IFT122: variants seen among roughly 807,000 people sequenced by gnomAD.
The protein encoded by IFT122 is intraflagellar transport protein 122 homolog.
In IFT122, 118 loss-of-function variants were observed where a neutral mutation model predicts 161.6. That is an observed-to-expected ratio of 0.73 (90% CI 0.63 to 0.85). The LOEUF (loss-of-function observed/expected upper bound fraction) is 0.85, where lower values mean the gene tolerates loss of function less well. Among genes scored for constraint, IFT122 ranks in the 40% least tolerant of loss-of-function variants. The probability of loss-of-function intolerance (pLI) is 0.00; values close to 1 mark genes in which losing one functional copy is unlikely to be tolerated. For synonymous variants in IFT122, 550 were observed against 602.4 expected, an observed-to-expected ratio of 0.91 and a Z score of 1.27; for missense variants, 1,381 against 1,579.6, an observed-to-expected ratio of 0.87 and a Z score of 2.13.
chr3:129,512,318 C>G lies in IFT122; in HGVS notation c.2893C>G (p.Pro965Ala). ...YHAIHRHTED[P>A]FSVHRPETLF... ...TGCTTTTCTCTCACTGCAGGAAGAT[C>G]CGTTCAGTGTCCATCGTCCTGAAAC... The change falls in exon 24 of 30, where the codon CCG becomes GCG. Residue 965 changes from proline (P) to alanine (A), a missense_variant. Transcript: ENST00000348417. 6.2e-7 allele frequency: 1 copy of G among 1,612,678 alleles called. No individual in the cohort carries two copies. Among genetic ancestry groups the G allele is most frequent in the Non-Finnish European group, 8.5e-7 (1 of 1,178,622 alleles).
At chr3:129,442,372 G>T (rs1407454441) in intron 1 of IFT122, among the ~76,000 whole-genome samples, 2 of 151,946 alleles carry the variant, frequency 1.3e-5, no homozygotes, top group African/African-American at 4.8e-5. Context: ...TAAAATACTA[G>T]ATATATATAA....
chr3:129,517,073 C>T (rs1322271127), intron 26 of IFT122, among the ~76,000 whole-genome samples: 11 of 137,058 alleles, frequency 8.0e-5, no homozygotes, highest in Admixed American at 6.0e-4. Flanking sequence ...ACTGCCCCTG[C>T]ACACACACAC....
intron 1 of IFT122, 81 bp from the exon 2 acceptor site, chr3:129,449,790 C>A (rs2107894542): frequency 1.1e-6 from 1 of 928,282 alleles, no homozygotes; most frequent in Non-Finnish European, 1.8e-6. Flanking sequence ...TTCTTAATGG[C>A]AATAAAGTTT....
intron 22 of IFT122, 109 bp downstream of exon 22, chr3:129,506,658 G>A: frequency 6.8e-7 from 1 of 1,471,344 alleles, no homozygotes. Flanking sequence ...TTGTTTATTG[G>A]GTGTATTGTC....
At chr3:129,508,840 T>C (rs2082470773) in intron 23 of IFT122, among the ~76,000 whole-genome samples, 1 of 152,174 alleles carries the variant, frequency 6.6e-6, no homozygotes, top group Non-Finnish European at 1.5e-5. Flanking sequence ...ATTGGTTGTG[T>C]GATGTGCAGT....
chr3:129,503,136 G>A (rs2081788720), intron 20 of IFT122, among the ~76,000 whole-genome samples: 1 of 152,246 alleles, frequency 6.6e-6, no homozygotes, highest in Non-Finnish European at 1.5e-5. Context: ...GGTGGTGACA[G>A]GCACCGGGGA....
chr3:129,485,744 G>A (rs1344584429), intron 15 of IFT122, among the ~76,000 whole-genome samples: 1 of 152,238 alleles, frequency 6.6e-6, no homozygotes, highest in African/African-American at 2.4e-5. Context: ...GGGCAGCCTG[G>A]GGCTTCCTCT....
intron 1 of IFT122, among the ~76,000 whole-genome samples, chr3:129,446,974 T>A (rs1469691396): frequency 6.6e-6 from 1 of 152,192 alleles, no homozygotes; most frequent in African/African-American, 2.4e-5. Flanking sequence ...TATAGTCACC[T>A]GAACCAATGA....
rs376279677 is a variant in IFT122 at position 129,492,816 on chromosome 3, CTTT to C, written c.2046+638_2046+640del. On this transcript the variant is annotated intron_variant, in intron 17 of 29. Coordinates refer to ENST00000348417, the MANE Select transcript of IFT122 (RefSeq NM_052989.3). ...GTGGTCAACACTATGCTTTTTTTTT[CTTT>C]TTTTTTTTTTTTTTTCTGAAACAAG... is the stretch of plus-strand genomic sequence containing the variant. Among the ~76,000 whole-genome samples the C allele has an allele frequency of 5.6e-5, 7 of 125,714 alleles. No homozygotes were observed. The East Asian group carries it at 9.6e-4, about 17-fold the overall frequency. 82.5% of individuals were successfully genotyped at this position (125,714 alleles called of 152,430 possible).
chr3:129,490,824 C>T (rs2079991764), intron 16 of IFT122, among the ~76,000 whole-genome samples: 1 of 152,214 alleles, frequency 6.6e-6, no homozygotes, highest in Non-Finnish European at 1.5e-5. Context: ...GCCCTGTGTT[C>T]CTTGGCCCAT....
chr3:129,516,543 C>T (rs1440075170), intron 26 of IFT122, among the ~76,000 whole-genome samples: 1 of 137,154 alleles, frequency 7.3e-6, no homozygotes, highest in Non-Finnish European at 1.6e-5. Flanking sequence ...ACTGCCCCTG[C>T]ACACACACAG....
In IFT122 at chr3:129,500,009, C is replaced by T; in HGVS notation, c.2316C>T (p.Ile772=). 1 of 1,614,218 alleles carries T rather than the reference C, an allele frequency of 6.2e-7. No homozygotes were observed. The highest frequency in any genetic ancestry group is 8.5e-7 in the Non-Finnish European group (1 of 1,180,044). ...CCAAAGCCGCCGTGGAGATGTACATCTCAGCAGGAGAGCACGTCAAGGCCA... is the reference window on the plus strand; with the variant it reads ...CCAAAGCCGCCGTGGAGATGTACATTTCAGCAGGAGAGCACGTCAAGGCCA... The part of the protein sequence containing the change: ...KEPKAAVEMY[I]SAGEHVKAIE... Residue 772 remains isoleucine, a synonymous_variant, in exon 19 of 30, where the codon ATC becomes ATT. Coordinates refer to ENST00000348417, the MANE Select transcript of IFT122 (RefSeq NM_052989.3).
chr3:129,454,395 TAAA>T (rs60037525), intron 3 of IFT122, among the ~76,000 whole-genome samples: 2 of 133,974 alleles, frequency 1.5e-5, no homozygotes, highest in African/African-American at 2.7e-5. Context: ...CTCTGTCTCT[TAAA>T]AAAAAAAAAA....
chr3:129,494,315 G>A (rs1267947838), intron 17 of IFT122, among the ~76,000 whole-genome samples: 1 of 151,968 alleles, frequency 6.6e-6, no homozygotes, highest in Non-Finnish European at 1.5e-5. Context: ...CAAAGTGTAG[G>A]GATCACAGGT....
intron 1 of IFT122, among the ~76,000 whole-genome samples, chr3:129,449,097 GC>G (rs1230987898): frequency 2.6e-5 from 4 of 152,282 alleles, no homozygotes; most frequent in African/African-American, 9.6e-5. Flanking sequence ...GGGAAGTTCT[GC>G]CGAAGACTCT....
chr3:129,466,064 C>T (rs1374506135), intron 7 of IFT122, among the ~76,000 whole-genome samples: 2 of 152,186 alleles, frequency 1.3e-5, no homozygotes, highest in African/African-American at 4.8e-5. Context: ...CCACCTCAGC[C>T]TCCCAAAGTG....
intron 2 of IFT122, among the ~76,000 whole-genome samples, chr3:129,451,215 C>CA (rs2074798554): frequency 6.6e-6 from 1 of 152,198 alleles, no homozygotes; most frequent in South Asian, 2.1e-4. Flanking sequence ...CTTCCCACCT[C>CA]AGCCTCCCGA....
At chr3:129,449,100 G>A (rs572380246) in intron 1 of IFT122, among the ~76,000 whole-genome samples, 1 of 152,254 alleles carries the variant, frequency 6.6e-6, no homozygotes, top group East Asian at 1.9e-4. Flanking sequence ...AAGTTCTGCC[G>A]AAGACTCTTT....
At chr3:129,487,949 G>A in intron 15 of IFT122, 1 of 458,366 alleles carries the variant, frequency 2.2e-6, no homozygotes, top group Non-Finnish European at 4.1e-6. Context: ...AGGCAGAGTG[G>A]GGAGGGGCAA....
Sources: allele counts gnomAD v4.1 joint callset (sites outside exome capture counted in the v4.1 genomes callset), GRCh38; gene constraint gnomAD v4.1.1; transcripts MANE v1.5; gene names NCBI Gene and HGNC (gene_info 2026-07-23, HGNC 2026-07-21).